The following KSR2 variants were observed in gnomAD, a reference collection of about 807,000 sequenced individuals.
KSR2 encodes kinase suppressor of ras 2.
A neutral mutation model predicts 107.8 loss-of-function variants in KSR2; 25 were observed. That is an observed-to-expected ratio of 0.23 (90% CI 0.17 to 0.32). The LOEUF is 0.32. Ranked by LOEUF, KSR2 falls within the 10% of genes least tolerant of loss-of-function variation. The pLI is 1.00. For missense variants in KSR2, 887 were observed against 1,268.9 expected (o/e 0.70, Z 4.57); for synonymous variants, 480 against 507.0 (o/e 0.95, Z 0.71).
chr12:117,909,415 C>T (rs1263861615), intron 1 of KSR2, among the ~76,000 whole-genome samples: 4 of 152,104 alleles, frequency 2.6e-5, no homozygotes, highest in Admixed American at 6.6e-5. Flanking sequence ...CCTTCCACGG[C>T]CCCCCAACTA....
intron 3 of KSR2, among the ~76,000 whole-genome samples, chr12:117,780,803 T>C (rs1013051502): frequency 6.6e-6 from 1 of 152,246 alleles, no homozygotes; most frequent in Non-Finnish European, 1.5e-5. Flanking sequence ...ATGATCTTTC[T>C]CTTGGACATA....
intron 1 of KSR2, among the ~76,000 whole-genome samples, chr12:117,937,378 T>C (rs1049911376): frequency 1.2e-4 from 19 of 152,094 alleles, no homozygotes; most frequent in Non-Finnish European, 2.8e-4. Flanking sequence ...CCTACCCTTC[T>C]CAAGATCTTG....
At chr12:117,477,006 CTT>C (rs1332287034) in intron 16 of KSR2, among the ~76,000 whole-genome samples, 2 of 152,220 alleles carry the variant, frequency 1.3e-5, no homozygotes, top group Non-Finnish European at 2.9e-5. Context: ...CTAAAAACAA[CTT>C]ATCTAACAGA....
chr12:117,555,565 T>C (rs569879325), intron 8 of KSR2, among the ~76,000 whole-genome samples: 2 of 152,378 alleles, frequency 1.3e-5, no homozygotes, highest in East Asian at 1.9e-4. Context: ...TTGTTTCTTA[T>C]TGGCAGACTC....
chr12:117,858,804 A>T (rs936028486), intron 2 of KSR2, among the ~76,000 whole-genome samples: 7 of 152,068 alleles, frequency 4.6e-5, no homozygotes, highest in Middle Eastern at 3.2e-3. Context: ...TCAGTTTCCC[A>T]CTCTGTACAA....
At chr12:117,545,230 G>A (rs531341656) in intron 9 of KSR2, among the ~76,000 whole-genome samples, 5 of 152,000 alleles carry the variant, frequency 3.3e-5, no homozygotes, top group South Asian at 2.1e-4. Context: ...AAGAATTTTC[G>A]CATCTATATT....
At chr12:117,627,740 G>A (rs903921423) in intron 5 of KSR2, among the ~76,000 whole-genome samples, 58 of 152,156 alleles carry the variant, frequency 3.8e-4, no homozygotes, top group African/African-American at 1.3e-3. Context: ...GAATTTGAAT[G>A]TTGGCCTGCC....
chr12:117,566,839 C>T (rs1420873528), intron 7 of KSR2, among the ~76,000 whole-genome samples: 2 of 152,194 alleles, frequency 1.3e-5, no homozygotes, highest in African/African-American at 4.8e-5. Context: ...AAACCCATCT[C>T]TTGTGGCTTC....
intron 4 of KSR2, among the ~76,000 whole-genome samples, chr12:117,759,729 A>G (rs564053446): frequency 4.5e-4 from 69 of 152,314 alleles, no homozygotes; most frequent in African/African-American, 1.5e-3. Context: ...TGGTGGAATT[A>G]TACAGTATTT....
At chr12:117,621,010 T>G (rs953408954) in intron 5 of KSR2, among the ~76,000 whole-genome samples, 4 of 152,144 alleles carry the variant, frequency 2.6e-5, no homozygotes, top group Non-Finnish European at 5.9e-5. Flanking sequence ...ATTATTGAAT[T>G]TGGAGGCAGT....
At chr12:117,527,871 T>C (rs1303427212) in intron 12 of KSR2, among the ~76,000 whole-genome samples, 3 of 151,986 alleles carry the variant, frequency 2.0e-5, no homozygotes, top group Non-Finnish European at 4.4e-5. Context: ...TCCCAGTGTT[T>C]GAGGTAGGTC....
intron 3 of KSR2, among the ~76,000 whole-genome samples, chr12:117,804,285 C>G (rs1854692095): frequency 6.6e-6 from 1 of 152,200 alleles, no homozygotes; most frequent in African/African-American, 2.4e-5. Context: ...TCAGGTGATC[C>G]ACCTGCCTTG....
intron 5 of KSR2, among the ~76,000 whole-genome samples, chr12:117,598,625 C>T (rs1026301407): frequency 6.6e-6 from 1 of 152,088 alleles, no homozygotes; most frequent in African/African-American, 2.4e-5. Flanking sequence ...ATGCCAACAT[C>T]TATTATTTTT....
intron 5 of KSR2, among the ~76,000 whole-genome samples, chr12:117,656,274 A>G (rs1461902167): frequency 6.6e-6 from 1 of 152,228 alleles, no homozygotes; most frequent in East Asian, 1.9e-4. Context: ...AACTTTATAT[A>G]ATAGTATTTG....
At chr12:117,569,415 C>G (rs572036870) in intron 7 of KSR2, among the ~76,000 whole-genome samples, 1 of 152,252 alleles carries the variant, frequency 6.6e-6, no homozygotes, top group South Asian at 2.1e-4. Flanking sequence ...GTCTGGCCAG[C>G]CACTGCAGGC....
chr12:117,676,539 A>G (rs976087048), intron 4 of KSR2, among the ~76,000 whole-genome samples: 6 of 152,190 alleles, frequency 3.9e-5, no homozygotes, highest in Non-Finnish European at 2.9e-5. Flanking sequence ...AAAAAGGAAG[A>G]GAAAAGGAAG....
chr12:117,885,369 G>T (rs1233304437), intron 1 of KSR2, among the ~76,000 whole-genome samples: 1 of 152,082 alleles, frequency 6.6e-6, no homozygotes. Flanking sequence ...ATCACATTTT[G>T]CAGATAAGGA....
intron 1 of KSR2, chr12:117,890,626 T>C (rs1894312751): frequency 6.6e-6 from 1 of 152,238 alleles, no homozygotes; most frequent in Admixed American, 6.5e-5. Context: ...CCATGCCCAA[T>C]TTACTTAATG....
At chr12:117,622,509 G>T (rs1882250010) in intron 5 of KSR2, among the ~76,000 whole-genome samples, 1 of 149,586 alleles carries the variant, frequency 6.7e-6, no homozygotes. Context: ...AGTTATCAAG[G>T]TTTTTTTTTT....
Sources: allele counts gnomAD v4.1 joint callset (sites outside exome capture counted in the v4.1 genomes callset), GRCh38; gene constraint gnomAD v4.1.1; transcripts MANE v1.5; gene names NCBI Gene and HGNC (gene_info 2026-07-23, HGNC 2026-07-21).